The following FBLN1 variants were observed in gnomAD, a reference collection of about 807,000 sequenced individuals.
The protein encoded by FBLN1 is fibulin-1.
In FBLN1, 34 loss-of-function variants were observed where a neutral mutation model predicts 89.7. The ratio of observed to expected loss-of-function variants is 0.38; its 90% CI spans 0.29 to 0.50. The LOEUF is 0.50. FBLN1 is among the 20% of genes least tolerant of loss of function. FBLN1 has a pLI of 0.92. For synonymous variants in FBLN1, 393 were observed against 391.3 expected (o/e 1.00, Z -0.05); for missense variants, 777 against 988.1 (o/e 0.79, Z 2.86).
At position 45,509,245 on chromosome 22, in the gene FBLN1, T is replaced by C. The variant is rs2088066294; in HGVS notation, c.79+6181T>C. On this transcript the variant is annotated intron_variant, in intron 1 of 16. Coordinates refer to ENST00000327858, the MANE Select transcript of FBLN1 (RefSeq NM_006486.3). ...TGTTGCAGAAGGATGAGGATGCCCC[T>C]CTGTGCACTGGGCTGATGTAGGAAG... Among the ~76,000 whole-genome samples, 3 of 152,144 alleles carry C rather than the reference T, an allele frequency of 2.0e-5. No individual in the cohort carries two copies. In the South Asian group the frequency reaches 6.2e-4, roughly 32 times the overall value.
At chr22:45,547,022 A>G in intron 11 of FBLN1, 63 bp from the exon 12 acceptor site, 1 of 1,611,658 alleles carries the variant, frequency 6.2e-7, no homozygotes, top group Admixed American at 1.7e-5. Context: ...ACTGACCCTG[A>G]GGGCTACTGT....
chr22:45,527,868 C>A lies in FBLN1; in HGVS notation c.343C>A (p.Leu115Met), dbSNP rs764554601. 3 of 1,613,970 alleles carry A rather than the reference C, an allele frequency of 1.9e-6. No individual in the cohort carries two copies. Among genetic ancestry groups the A allele is most frequent in the Non-Finnish European group, 2.5e-6 (3 of 1,180,036 alleles). Residue 115 changes from leucine to methionine, a missense_variant, in exon 4 of 17, where the codon CTG (leucine) becomes ATG (methionine). By Grantham distance (15) the Leu-to-Met change is conservative (BLOSUM62 2). Coordinates refer to ENST00000327858, the MANE Select transcript of FBLN1 (RefSeq NM_006486.3). ...GCAGAGGTGCTGCCATTGCTGTCTG[C>A]TGGGGAGGGCGGCCCAGGCCCAGGG... ...FVKRCCHCCL[L>M]GRAAQAQGQS...
In FBLN1 at chr22:45,561,142, C is replaced by T. The variant is rs1343666626; in HGVS notation, c.1697+10527C>T. Among the ~76,000 whole-genome samples the T allele has an allele frequency of 2.0e-5, 3 of 152,184 alleles. No homozygotes were observed. Among genetic ancestry groups the T allele is most frequent in the Non-Finnish European group, 4.4e-5 (3 of 68,038 alleles). On this transcript the variant is annotated intron_variant, in intron 14 of 16. Transcript: ENST00000327858. This position sits in a 1 kb window ranked among gnomAD's most constrained non-coding sequence, Gnocchi z 4.7. ...GGTCCCATTCTTTTTCAATCAATGCCCTCACTTTAACAGCAGACACCTGGC... is the reference window on the plus strand; with the variant it reads ...GGTCCCATTCTTTTTCAATCAATGCTCTCACTTTAACAGCAGACACCTGGC...
Position 45,575,929 on chromosome 22 carries a change from A to G in FBLN1, c.1841-1048A>G, listed in dbSNP as rs2088993280. On this transcript the variant is annotated intron_variant, in intron 15 of 16. Coordinates refer to ENST00000327858, the MANE Select transcript of FBLN1 (RefSeq NM_006486.3). The surrounding 1 kb of genome is among the most constrained non-coding windows in gnomAD (Gnocchi z 6.3). ...GCCGTGGACGGAGCCCCTCTGTGTC[A>G]GGCTCTAGGGACATGGTGATAAGAA... Among the ~76,000 whole-genome samples the G allele has an allele frequency of 1.3e-5, 2 of 152,266 alleles. No individual in the cohort carries two copies. The highest frequency in any genetic ancestry group is 4.8e-5 in the African/African-American group (2 of 41,544).
intron 8 of FBLN1, among the ~76,000 whole-genome samples, chr22:45,540,441 C>T (rs987562205): frequency 1.6e-4 from 25 of 152,166 alleles, no homozygotes; most frequent in African/African-American, 6.0e-4. Flanking sequence ...GAGAGGGGTA[C>T]AGCTGTCCTC....
At chr22:45,513,009 A>G (rs1253912488) in intron 1 of FBLN1, among the ~76,000 whole-genome samples, 1 of 152,210 alleles carries the variant, frequency 6.6e-6, no homozygotes, top group Non-Finnish European at 1.5e-5. Context: ...GAACATTTTA[A>G]GTCTCATTTG....
At chr22:45,521,052 G>A (rs112239917) in intron 2 of FBLN1, among the ~76,000 whole-genome samples, 6 of 152,280 alleles carry the variant, frequency 3.9e-5, no homozygotes, top group African/African-American at 1.4e-4. Flanking sequence ...CTGACCTCAG[G>A]TGATCCTCCT....
intron 8 of FBLN1, among the ~76,000 whole-genome samples, chr22:45,540,960 G>A (rs921163985): frequency 1.5e-4 from 23 of 152,364 alleles, no homozygotes; most frequent in African/African-American, 5.3e-4. Flanking sequence ...CAGGCAGGCA[G>A]GTCCCGATTT....
chr22:45,518,917 C>T lies in FBLN1; in HGVS notation c.185+130C>T, dbSNP rs112698995. On this transcript the variant is annotated intron_variant, in intron 2 of 16. Coordinates refer to ENST00000327858, the MANE Select transcript of FBLN1 (RefSeq NM_006486.3). ...CCCAGGCCCGGATCCATCCAGGCTG[C>T]GGGTGCTGCAGTGGGTGACTCCTGC... The T allele has an allele frequency of 3.3e-3, 2,888 of 867,534 alleles. 49 individuals are homozygous for T. The African/African-American group carries it at 0.04, about 12-fold the overall frequency. 53.7% of individuals were successfully genotyped at this position (867,534 alleles called of 1,614,324 possible).
At chr22:45,538,417 TC>T (rs2088510790) in intron 8 of FBLN1, among the ~76,000 whole-genome samples, 1 of 152,216 alleles carries the variant, frequency 6.6e-6, no homozygotes, top group East Asian at 1.9e-4. Context: ...CTTGGCAGGG[TC>T]CATGAGCCCT....
rs571969338 is a variant in FBLN1 at position 45,556,089 on chromosome 22, G to A, written c.1697+5474G>A. On this transcript the variant is annotated intron_variant, in intron 14 of 16. Coordinates refer to ENST00000327858, the MANE Select transcript of FBLN1 (RefSeq NM_006486.3). This position sits in a 1 kb window ranked among gnomAD's most constrained non-coding sequence, Gnocchi z 4.6. ...TGTCTCACCGCAACCTCCACGTCCC[G>A]AGTTCAAGTGATTATCCTGCCTCAG... Among the ~76,000 whole-genome samples the A allele has an allele frequency of 6.6e-6, 1 of 152,252 alleles. No homozygotes were observed. The highest frequency in any genetic ancestry group is 2.4e-5 in the African/African-American group (1 of 41,552).
intron 2 of FBLN1, among the ~76,000 whole-genome samples, chr22:45,525,239 G>T (rs1336052277): frequency 6.6e-6 from 1 of 152,196 alleles, no homozygotes; most frequent in African/African-American, 2.4e-5. Flanking sequence ...AGAAAAGAAA[G>T]AAAGAGGGTC....
At position 45,574,356 on chromosome 22, in the gene FBLN1, C is replaced by A. The variant is rs2088975405; in HGVS notation, c.1698-155C>A. Among the ~76,000 whole-genome samples the A allele has an allele frequency of 6.6e-6, 1 of 152,208 alleles. No homozygotes were observed. The highest frequency in any genetic ancestry group is 1.5e-5 in the Non-Finnish European group (1 of 68,028). ...GCCATGAAGCCTCCCCACAGAGCAG[C>A]CAGGCTGCAGAGACCACTGTCGTTC... On this transcript the variant is annotated intron_variant, in intron 14 of 16. Coordinates refer to ENST00000327858, the MANE Select transcript of FBLN1 (RefSeq NM_006486.3). This position sits in a 1 kb window ranked among gnomAD's most constrained non-coding sequence, Gnocchi z 4.1.
rs2088623444 is a variant in FBLN1, at chr22:45,546,127, T to TCC, written c.1322-958_1322-957insCC. On this transcript the variant is annotated intron_variant, in intron 11 of 16. Transcript: ENST00000327858. ...CCCGGAGGTGGAGATTGCAGTGAGCTGAGATTGAGCTACTTGTACTCCAGC... is the reference window on the plus strand; with the variant it reads ...CCCGGAGGTGGAGATTGCAGTGAGCTCCGAGATTGAGCTACTTGTACTCCAGC... Among the ~76,000 whole-genome samples, 21 of 151,636 alleles carry TCC rather than the reference T, an allele frequency of 1.4e-4. No individual in the cohort carries two copies. The South Asian group carries it at 4.4e-3, about 32-fold the overall frequency.
At position 45,583,803 on chromosome 22, in the gene FBLN1, TGA is replaced by T. The variant is rs371579518; in HGVS notation, c.1972+6706_1972+6707del. On this transcript the variant is annotated intron_variant, in intron 16 of 16. Coordinates refer to ENST00000327858, the MANE Select transcript of FBLN1 (RefSeq NM_006486.3). This position sits in a 1 kb window ranked among gnomAD's most constrained non-coding sequence, Gnocchi z 4.5. ...CCTGCAGCATGAGAGAGAGAGAGAA[TGA>T]GAGAGAGAGACAGAGAGAGACCTGT... Among the ~76,000 whole-genome samples, 3 of 150,876 alleles carry T rather than the reference TGA, an allele frequency of 2.0e-5. No homozygotes were observed. Among genetic ancestry groups the T allele is most frequent in the African/African-American group, 7.3e-5 (3 of 41,094 alleles).
chr22:45,551,533 G>C (rs1327048766), intron 14 of FBLN1, among the ~76,000 whole-genome samples: 1 of 152,226 alleles, frequency 6.6e-6, no homozygotes, highest in Non-Finnish European at 1.5e-5. Context: ...CGTTGTCCCT[G>C]GCAGCCCTCC....
chr22:45,523,093 C>G (rs1236192241), intron 2 of FBLN1: 1 of 766,686 alleles, frequency 1.3e-6, no homozygotes, highest in South Asian at 1.4e-5. Flanking sequence ...AATTTTAGAG[C>G]CGTGGGGTTG....
intron 1 of FBLN1, among the ~76,000 whole-genome samples, chr22:45,513,480 C>T (rs1242566525): frequency 1.3e-5 from 2 of 151,938 alleles, no homozygotes; most frequent in East Asian, 3.9e-4. Context: ...CTAATTGTAG[C>T]TGGGATTACA....
intron 16 of FBLN1, among the ~76,000 whole-genome samples, chr22:45,587,325 GCC>G: frequency 1.2e-5 from 1 of 82,266 alleles, no homozygotes; most frequent in South Asian, 4.4e-4. Flanking sequence ...CCGCTGCCCG[GCC>G]AGAGACACGT....
Sources: gnomAD v4.1 joint callset for allele counts (sites outside exome capture counted in the v4.1 genomes callset) on GRCh38, gnomAD v4.1.1 for gene constraint, Gnocchi (gnomAD v3.1) non-coding constraint, MANE v1.5 for transcripts, NCBI Gene and HGNC (gene_info 2026-07-23, HGNC 2026-07-21) for gene names.